Variants in THAP4 observed in about 807,000 individuals in gnomAD.
THAP4 encodes peroxynitrite isomerase THAP4.
Under a neutral mutation model 48.1 loss-of-function variants are expected in THAP4, and 18 were observed. The ratio of observed to expected loss-of-function variants is 0.37; its 90% CI spans 0.26 to 0.56. The LOEUF (loss-of-function observed/expected upper bound fraction) is 0.56, where lower values mean the gene tolerates loss of function less well. Ranked by LOEUF, THAP4 falls within the 20% of genes least tolerant of loss-of-function variation. The probability of loss-of-function intolerance (pLI) is 0.78; values close to 1 mark genes in which losing one functional copy is unlikely to be tolerated. For synonymous variants in THAP4, 345 were observed against 324.9 expected, an observed-to-expected ratio of 1.06 and a Z score of -0.66; for missense variants, 656 against 774.9, an observed-to-expected ratio of 0.85 and a Z score of 1.82.
intron 5 of THAP4, among the ~76,000 whole-genome samples, chr2:241,598,976 G>A (rs533089704): frequency 6.6e-6 from 1 of 152,128 alleles, no homozygotes; most frequent in Non-Finnish European, 1.5e-5. Flanking sequence ...CTATCCGGCT[G>A]GGCGCAGTGG....
chr2:241,599,716 A>G (rs2067090028), intron 5 of THAP4, among the ~76,000 whole-genome samples: 1 of 152,220 alleles, frequency 6.6e-6, no homozygotes, highest in Admixed American at 6.5e-5. Flanking sequence ...TCATTCATGT[A>G]TTCAATGCAG....
intron 2 of THAP4, among the ~76,000 whole-genome samples, chr2:241,619,864 AGTCG>A (rs2067397386): frequency 2.9e-5 from 1 of 34,946 alleles, no homozygotes; most frequent in Non-Finnish European, 5.2e-5. Context: ...GTGAGTGAGG[AGTCG>A]GTGAGTGAGG....
At chr2:241,607,633 A>C (rs1421221960) in intron 2 of THAP4, among the ~76,000 whole-genome samples, 3 of 150,780 alleles carry the variant, frequency 2.0e-5, no homozygotes, top group Non-Finnish European at 4.4e-5. Flanking sequence ...AAAGATGCCC[A>C]AGCACAGAGA....
intron 5 of THAP4, among the ~76,000 whole-genome samples, chr2:241,598,106 C>G (rs1457158322): frequency 6.6e-6 from 1 of 152,018 alleles, no homozygotes; most frequent in East Asian, 1.9e-4. Context: ...CAAGAGAAAA[C>G]AGTATCTATT....
rs781375512 is a variant in THAP4 at position 241,601,825 on chromosome 2, AG to A, written c.1614+70del. ...CAAGACACGCACTACCTCACGGAAGAGGAAGAGGCTGACTCCACAGACCGCT... is the reference window on the plus strand; with the variant it reads ...CAAGACACGCACTACCTCACGGAAGAGAAGAGGCTGACTCCACAGACCGCT... On this transcript the variant is annotated intron_variant, in intron 5 of 5. Coordinates refer to ENST00000407315, the MANE Select transcript of THAP4 (RefSeq NM_015963.6). The surrounding 1 kb of genome is among the most constrained non-coding windows in gnomAD (Gnocchi z 4.0). The A allele has an allele frequency of 6.3e-7, 1 of 1,596,148 alleles. No individual in the cohort carries two copies. Among genetic ancestry groups the A allele is most frequent in the Non-Finnish European group, 8.5e-7 (1 of 1,171,340 alleles).
Position 241,633,171 on chromosome 2 carries a change from T to C in THAP4, c.986A>G (p.Asn329Ser), listed in dbSNP as rs888572857. 6.2e-7 allele frequency: 1 copy of C among 1,609,118 alleles called. No individual in the cohort carries two copies. Among genetic ancestry groups the C allele is most frequent in the Non-Finnish European group, 8.5e-7 (1 of 1,176,904 alleles). The stretch of plus-strand genomic sequence containing the variant: ...CCCTGACGCCGACAGGATGACCTCG[T>C]TGATGGACATGGGGCTGGCGTCGCT... ...EHSDASPMSINEVILSASGAC... is the reference protein window; with the variant it reads ...EHSDASPMSISEVILSASGAC... The change falls in exon 2 of 6, where the codon AAC (asparagine) becomes AGC (serine). Residue 329 changes from asparagine (N) to serine (S), a missense_variant. By Grantham distance (46) the Asn-to-Ser change is conservative (BLOSUM62 1). Around this residue, in one of 4 missense-constraint regions of THAP4, gnomAD observed 391 missense variants for 412.4 expected, o/e 0.95. Coordinates refer to ENST00000407315, the MANE Select transcript of THAP4 (RefSeq NM_015963.6). The surrounding 1 kb of genome is among the most constrained non-coding windows in gnomAD (Gnocchi z 7.5).
chr2:241,633,491 C>T lies in THAP4; in HGVS notation c.666G>A (p.Thr222=), dbSNP rs779194388. 2.0e-5 allele frequency: 33 copies of T among 1,613,926 alleles called. No homozygotes were observed. Among genetic ancestry groups the T allele is most frequent in the African/African-American group, 9.3e-5 (7 of 74,908 alleles). Reference sequence around the variant, plus strand: ...ATTTGCACGCCCCAGATCCTGGGGGCGTAAAGTCATCCATAGAAATGCCAC... The same window carrying T: ...ATTTGCACGCCCCAGATCCTGGGGGTGTAAAGTCATCCATAGAAATGCCAC... ...DKSGISMDDF[T]PPGSGACKFI... Residue 222 remains threonine (T), a synonymous_variant, in exon 2 of 6, where the codon ACG becomes ACA. Coordinates refer to ENST00000407315, the MANE Select transcript of THAP4 (RefSeq NM_015963.6). The surrounding 1 kb of genome is among the most constrained non-coding windows in gnomAD (Gnocchi z 7.5).
chr2:241,630,482 T>A (rs7599737), intron 2 of THAP4, among the ~76,000 whole-genome samples: 76,674 of 152,112 alleles, frequency 0.5, 19,802 homozygotes, highest in East Asian at 0.79. Context: ...AGAAGCTGTC[T>A]AAAGCAGCAT....
chr2:241,586,262 GAAAAAAA>G lies in THAP4; in HGVS notation c.1615-1544_1615-1538del, dbSNP rs11320455. Among the ~76,000 whole-genome samples, 21 of 83,994 alleles carry G rather than the reference GAAAAAAA, an allele frequency of 2.5e-4. No homozygotes were observed. In the East Asian group the frequency reaches 6.2e-3, roughly 25 times the overall value. 55.1% of individuals were successfully genotyped at this position (83,994 alleles called of 152,430 possible). On this transcript the variant is annotated intron_variant, in intron 5 of 5. Coordinates refer to ENST00000407315, the MANE Select transcript of THAP4 (RefSeq NM_015963.6). The stretch of plus-strand genomic sequence containing the variant: ...ACAGAGCGAGACTCCATCTGAAGAG[GAAAAAAA>G]AAAAAAAAAAAAAAAGCACCCCAGC...
At chr2:241,586,024 G>C (rs1481466540) in intron 5 of THAP4, among the ~76,000 whole-genome samples, 1 of 151,406 alleles carries the variant, frequency 6.6e-6, no homozygotes, top group African/African-American at 2.4e-5. Context: ...GGGAGGCCGA[G>C]GCGGGCGGAT....
intron 2 of THAP4, among the ~76,000 whole-genome samples, chr2:241,611,608 C>T (rs2067277854): frequency 6.6e-6 from 1 of 151,640 alleles, no homozygotes; most frequent in Admixed American, 6.6e-5. Context: ...CCTGTAGTAC[C>T]AGCTACTAGG....
intron 2 of THAP4, among the ~76,000 whole-genome samples, chr2:241,624,886 C>A (rs371407509): frequency 2.0e-5 from 3 of 152,068 alleles, no homozygotes; most frequent in Non-Finnish European, 4.4e-5. Context: ...ACTATGAGAA[C>A]GGAAGGTGGT....
intron 5 of THAP4, among the ~76,000 whole-genome samples, chr2:241,593,847 C>T (rs1048980154): frequency 3.3e-5 from 5 of 152,106 alleles, no homozygotes; most frequent in African/African-American, 1.2e-4. Flanking sequence ...TCCCCAAGCC[C>T]GGCTACTTTT....
At chr2:241,623,631 A>C (rs1041781930) in intron 2 of THAP4, among the ~76,000 whole-genome samples, 2 of 151,870 alleles carry the variant, frequency 1.3e-5, no homozygotes, top group African/African-American at 4.8e-5. Flanking sequence ...TATTGATATC[A>C]TTTAAAAAAA....
rs146918410 is a variant in THAP4, at chr2:241,617,693, G to A, written c.1241-11220C>T. ...AGAGGGACTGGCCAGAGGTCTGGGC[G>A]GAGTGACGAGTGCGGCTTCTACCCT... is the stretch of plus-strand genomic sequence containing the variant. On this transcript the variant is annotated intron_variant, in intron 2 of 5. Transcript: ENST00000407315. Among the ~76,000 whole-genome samples, 174 of 152,286 alleles carry A rather than the reference G, an allele frequency of 1.1e-3. 1 individual carries two copies. The highest frequency in any genetic ancestry group is 3.7e-3 in the African/African-American group (154 of 41,562).
At chr2:241,630,663 C>T (rs2067545245) in intron 2 of THAP4, among the ~76,000 whole-genome samples, 1 of 151,898 alleles carries the variant, frequency 6.6e-6, no homozygotes, top group African/African-American at 2.4e-5. Flanking sequence ...CCTGTGATCC[C>T]AGCTACTCGG....
At chr2:241,605,167 T>G (rs2125078851) in intron 3 of THAP4, among the ~76,000 whole-genome samples, 1 of 152,338 alleles carries the variant, frequency 6.6e-6, no homozygotes, top group East Asian at 1.9e-4. Context: ...ATGTATTACT[T>G]TGACCTCATG....
chr2:241,587,132 G>A (rs906040062), intron 5 of THAP4, among the ~76,000 whole-genome samples: 3 of 152,162 alleles, frequency 2.0e-5, no homozygotes, highest in Non-Finnish European at 4.4e-5. Context: ...CTAGAAACCC[G>A]GTAAAGGATT....
chr2:241,620,334 A>T, intron 2 of THAP4, among the ~76,000 whole-genome samples: 1 of 60,896 alleles, frequency 1.6e-5, no homozygotes, highest in African/African-American at 7.1e-5. Context: ...TCGGTGAGTG[A>T]GTCAGTGAGT....
Sources: allele counts gnomAD v4.1 joint callset (sites outside exome capture counted in the v4.1 genomes callset), GRCh38; gene constraint gnomAD v4.1.1; regional missense constraint gnomAD v4.1.1; non-coding constraint Gnocchi (gnomAD v3.1); transcripts MANE v1.5; gene names NCBI Gene and HGNC (gene_info 2026-07-23, HGNC 2026-07-21).